ARL15: variants seen among roughly 807,000 people sequenced by gnomAD.
The protein encoded by ARL15 is ADP-ribosylation factor-like protein 15.
ARL15 carries 19 observed loss-of-function variants against 25.2 expected under a neutral mutation model. That is an observed-to-expected ratio of 0.75 (90% CI 0.53 to 1.10). The LOEUF (loss-of-function observed/expected upper bound fraction) is 1.10, where lower values mean the gene tolerates loss of function less well. Among genes scored for constraint, ARL15 ranks in the 50% least tolerant of loss-of-function variants. The pLI, the probability that ARL15 is intolerant of heterozygous loss-of-function variation, is 0.00. For synonymous variants in ARL15, 94 were observed against 86.8 expected, an observed-to-expected ratio of 1.08 and a Z score of -0.46; for missense variants, 220 against 246.0, an observed-to-expected ratio of 0.89 and a Z score of 0.71.
At chr5:54,006,097 T>C (rs2111752956) in intron 4 of ARL15, among the ~76,000 whole-genome samples, 1 of 152,014 alleles carries the variant, frequency 6.6e-6, no homozygotes, top group South Asian at 2.1e-4. Context: ...TGACTGTTTT[T>C]GTTTACATCT....
At chr5:53,902,394 A>G (rs1373129427) in intron 4 of ARL15, among the ~76,000 whole-genome samples, 2 of 152,246 alleles carry the variant, frequency 1.3e-5, no homozygotes, top group Non-Finnish European at 2.9e-5. Flanking sequence ...GGGAGAATAT[A>G]TTTAGTCAAT....
chr5:54,145,828 T>C (rs949537370), intron 3 of ARL15, among the ~76,000 whole-genome samples: 4 of 152,250 alleles, frequency 2.6e-5, no homozygotes, highest in African/African-American at 4.8e-5. Flanking sequence ...AGCTTGAAAC[T>C]GCTGAGATAT....
In ARL15 at chr5:54,175,346, T is replaced by C. The variant is rs117733056; in HGVS notation, c.49-3418A>G. Among the ~76,000 whole-genome samples, 1,356 of 152,172 alleles carry C rather than the reference T, an allele frequency of 8.9e-3. 44 individuals carry two copies. In the East Asian group the frequency reaches 0.11, roughly 12 times the overall value. On this transcript the variant is annotated intron_variant, in intron 1 of 4. Transcript: ENST00000504924. ...TCTCTTCTTTCTTTCTTTCTTTTTT[T>C]TTTTTCAGACAGAGTTTCACTCTTG...
intron 4 of ARL15, among the ~76,000 whole-genome samples, chr5:54,006,769 C>T (rs1438446775): frequency 6.6e-6 from 1 of 151,864 alleles, no homozygotes; most frequent in Non-Finnish European, 1.5e-5. Flanking sequence ...AATTTTGTAC[C>T]AGCTTGAGTG....
chr5:54,094,414 A>T (rs1752221387), intron 4 of ARL15, among the ~76,000 whole-genome samples: 1 of 151,988 alleles, frequency 6.6e-6, no homozygotes, highest in East Asian at 1.9e-4. Context: ...CAACTAAGAT[A>T]TAACATAGCA....
intron 2 of ARL15, among the ~76,000 whole-genome samples, chr5:54,167,890 G>A (rs752208620): frequency 2.0e-5 from 3 of 152,060 alleles, no homozygotes; most frequent in African/African-American, 7.2e-5. Flanking sequence ...TACTGAAACT[G>A]TTTCTACCAT....
At chr5:54,163,128 G>GT (rs1430108083) in intron 2 of ARL15, among the ~76,000 whole-genome samples, 1 of 151,550 alleles carries the variant, frequency 6.6e-6, no homozygotes, top group African/African-American at 2.4e-5. Flanking sequence ...AGTTTTTTTT[G>GT]TTTTTGTTTT....
At chr5:54,129,532 A>C (rs1378128398) in intron 3 of ARL15, among the ~76,000 whole-genome samples, 1 of 152,238 alleles carries the variant, frequency 6.6e-6, no homozygotes, top group Non-Finnish European at 1.5e-5. Context: ...AATAACTATG[A>C]AAGAAAATAA....
chr5:54,264,281 T>C (rs1265578421), intron 1 of ARL15, among the ~76,000 whole-genome samples: 3 of 152,198 alleles, frequency 2.0e-5, no homozygotes, highest in Admixed American at 1.3e-4. Context: ...TTCTATTGAT[T>C]CAGTCTCCAA....
chr5:54,290,500 G>A (rs2112688512), intron 1 of ARL15, among the ~76,000 whole-genome samples: 1 of 151,950 alleles, frequency 6.6e-6, no homozygotes, highest in East Asian at 1.9e-4. Flanking sequence ...TAGAGACGGG[G>A]TTTCACCATG....
chr5:54,079,966 G>T, intron 4 of ARL15, among the ~76,000 whole-genome samples: 1 of 90,740 alleles, frequency 1.1e-5, no homozygotes, highest in East Asian at 3.7e-4. Flanking sequence ...GTGAGACTCC[G>T]TCACACACAC....
chr5:54,163,355 G>GTTTTTT lies in ARL15; in HGVS notation c.193+8428_193+8429insAAAAAA, dbSNP rs1754465268. Among the ~76,000 whole-genome samples, 108 of 51,346 alleles carry GTTTTTT rather than the reference G, an allele frequency of 2.1e-3. 36 individuals are homozygous for GTTTTTT. Among genetic ancestry groups the GTTTTTT allele is most frequent in the African/African-American group, 3.9e-3 (47 of 12,092 alleles). The allele number at this position is 51,346 out of a possible 152,430, so 33.7% of individuals were successfully genotyped here. On this transcript the variant is annotated intron_variant, in intron 2 of 4. Coordinates refer to ENST00000504924, the MANE Select transcript of ARL15 (RefSeq NM_019087.3). ...TGTCCATGAGGGCTATTGGTATGAAGCTTTTTTTTTTTTTTTTTTTTTTTT... is the reference window on the plus strand; with the variant it reads ...TGTCCATGAGGGCTATTGGTATGAAGTTTTTTCTTTTTTTTTTTTTTTTTTTTTTTT...
rs897390517 is a variant in ARL15, at chr5:53,919,815, AGTT to A, written c.463-33105_463-33103del. On this transcript the variant is annotated intron_variant, in intron 4 of 4. Transcript: ENST00000504924. Reference sequence around the variant, plus strand: ...TAGCAACCAGTGACATTGGTGTTTGAGTTGTTGTTTTGTTCCTTGTATCAGAGC... The same window carrying A: ...TAGCAACCAGTGACATTGGTGTTTGAGTTGTTTTGTTCCTTGTATCAGAGC... Among the ~76,000 whole-genome samples, 30 of 152,108 alleles carry A rather than the reference AGTT, an allele frequency of 2.0e-4. 2 individuals carry two copies. Among genetic ancestry groups the A allele is most frequent in the Admixed American group, 1.8e-3 (28 of 15,272 alleles).
chr5:54,192,865 T>C (rs919701450), intron 1 of ARL15, among the ~76,000 whole-genome samples: 6 of 152,112 alleles, frequency 3.9e-5, no homozygotes, highest in Non-Finnish European at 7.4e-5. Context: ...CAGATAACCA[T>C]TGTATCTGGA....
At chr5:54,123,883 A>G (rs949745613) in intron 3 of ARL15, among the ~76,000 whole-genome samples, 18 of 152,216 alleles carry the variant, frequency 1.2e-4, no homozygotes, top group African/African-American at 4.1e-4. Flanking sequence ...ACTTGGAAAG[A>G]GAAGGTTATA....
intron 4 of ARL15, among the ~76,000 whole-genome samples, chr5:53,902,995 T>C (rs1013545652): frequency 6.6e-6 from 1 of 152,186 alleles, no homozygotes; most frequent in Admixed American, 6.6e-5. Context: ...TTTCTTTCCC[T>C]GCTGGCAATA....
chr5:54,051,164 C>G (rs1480122989), intron 4 of ARL15, among the ~76,000 whole-genome samples: 3 of 152,140 alleles, frequency 2.0e-5, no homozygotes. Context: ...GTGGCACATG[C>G]GTCAAGTCTC....
intron 4 of ARL15, among the ~76,000 whole-genome samples, chr5:54,009,389 AT>A (rs1749159399): frequency 6.6e-6 from 1 of 152,200 alleles, no homozygotes; most frequent in Admixed American, 6.5e-5. Flanking sequence ...TCACTCAAAT[AT>A]AGATTTGTAA....
chr5:54,102,499 G>C (rs1752470413), intron 4 of ARL15, among the ~76,000 whole-genome samples: 1 of 152,062 alleles, frequency 6.6e-6, no homozygotes, highest in South Asian at 2.1e-4. Context: ...ATAGTGTTTT[G>C]TGCATATACA....
Sources: gnomAD v4.1 joint callset for allele counts (sites outside exome capture counted in the v4.1 genomes callset) on GRCh38, gnomAD v4.1.1 for gene constraint, MANE v1.5 for transcripts, NCBI Gene and HGNC (gene_info 2026-07-23, HGNC 2026-07-21) for gene names.